ZCCHC7: variants seen among roughly 807,000 people sequenced by gnomAD.
The protein encoded by ZCCHC7 is zinc finger CCHC-type containing 7.
In ZCCHC7, 35 loss-of-function variants were observed where a neutral mutation model predicts 52.0. The observed-to-expected ratio is 0.67, with a 90% CI of 0.51 to 0.89. The LOEUF (loss-of-function observed/expected upper bound fraction) is 0.89. Among genes scored for constraint, ZCCHC7 ranks in the 40% least tolerant of loss-of-function variants. The pLI, the probability that ZCCHC7 is intolerant of heterozygous loss-of-function variation, is 0.00. For synonymous variants in ZCCHC7, 217 were observed against 221.5 expected, an observed-to-expected ratio of 0.98 and a Z score of 0.18; for missense variants, 574 against 649.1, an observed-to-expected ratio of 0.88 and a Z score of 1.26.
At chr9:37,222,335 GTGTGT>G (rs1824865044) in intron 2 of ZCCHC7, among the ~76,000 whole-genome samples, 2 of 74,572 alleles carry the variant, frequency 2.7e-5, no homozygotes, top group Non-Finnish European at 6.3e-5. Context: ...CAGAGTGTGT[GTGTGT>G]GTGTGTGTGT....
intron 7 of ZCCHC7, among the ~76,000 whole-genome samples, chr9:37,350,022 A>T (rs1821270039): frequency 6.6e-6 from 1 of 151,790 alleles, no homozygotes; most frequent in African/African-American, 2.4e-5. Context: ...TCCTGACCTC[A>T]GGTGATCCAC....
At chr9:37,270,438 C>A (rs1396364373) in intron 2 of ZCCHC7, among the ~76,000 whole-genome samples, 3 of 152,062 alleles carry the variant, frequency 2.0e-5, no homozygotes, top group Non-Finnish European at 2.9e-5. Context: ...TGCCTGTAAT[C>A]ACAGCACTTT....
At chr9:37,191,079 T>G (rs1054777379) in intron 2 of ZCCHC7, among the ~76,000 whole-genome samples, 1 of 152,162 alleles carries the variant, frequency 6.6e-6, no homozygotes, top group Non-Finnish European at 1.5e-5. Flanking sequence ...CTGTCCCGTT[T>G]CAGGGTACAC....
chr9:37,345,467 C>A lies in ZCCHC7; in HGVS notation c.988-3890C>A, dbSNP rs138804707. On this transcript the variant is annotated intron_variant, in intron 6 of 8. Transcript: ENST00000336755. ...TTTAGGCTGGGTGTGGTGGCTCATGCCTGTAATCCCAGCATTTGGGGAGGC... is the reference window on the plus strand; with the variant it reads ...TTTAGGCTGGGTGTGGTGGCTCATGACTGTAATCCCAGCATTTGGGGAGGC... Among the ~76,000 whole-genome samples the A allele has an allele frequency of 6.3e-3, 956 of 152,316 alleles. 4 individuals carry two copies. Among genetic ancestry groups the A allele is most frequent in the African/African-American group, 0.022 (896 of 41,566 alleles).
intron 2 of ZCCHC7, among the ~76,000 whole-genome samples, chr9:37,241,104 A>C (rs191584751): frequency 1.4e-4 from 21 of 151,908 alleles, no homozygotes; most frequent in Admixed American, 9.8e-4. Flanking sequence ...TGCACATTAC[A>C]ATAAGGTATC....
At chr9:37,222,039 G>A (rs2078111806) in intron 2 of ZCCHC7, among the ~76,000 whole-genome samples, 1 of 152,048 alleles carries the variant, frequency 6.6e-6, no homozygotes. Context: ...TGAACAGAGG[G>A]ATAGTAAGGG....
rs1413291229 is a variant in ZCCHC7 at position 37,246,228 on chromosome 9, CATTTG to C, written c.611-55953_611-55949del. Among the ~76,000 whole-genome samples, 14 of 152,152 alleles carry C rather than the reference CATTTG, an allele frequency of 9.2e-5. No homozygotes were observed. In the East Asian group the frequency reaches 2.1e-3, roughly 23 times the overall value. On this transcript the variant is annotated intron_variant, in intron 2 of 8. Transcript: ENST00000336755. ...TGGACAAATAATAGTTTGTTTTTAA[CATTTG>C]ATTTGAGGTGCTTGTGGATGATCTA...
At chr9:37,305,472 T>C in intron 4 of ZCCHC7, 72 bp from the exon 5 acceptor site, 3 of 1,558,308 alleles carry the variant, frequency 1.9e-6, no homozygotes, top group Non-Finnish European at 2.6e-6. Context: ...TTTATGGGAT[T>C]ATATTGAAAA....
chr9:37,333,541 G>A (rs1830530423), intron 6 of ZCCHC7, among the ~76,000 whole-genome samples: 1 of 151,672 alleles, frequency 6.6e-6, no homozygotes, highest in Non-Finnish European at 1.5e-5. Context: ...ATGGAAAGAA[G>A]TACTTGTTGT....
intron 2 of ZCCHC7, among the ~76,000 whole-genome samples, chr9:37,292,143 C>T (rs181522827): frequency 7.0e-4 from 107 of 152,184 alleles, no homozygotes; most frequent in African/African-American, 2.2e-3. Context: ...GAATAATATG[C>T]GTTTGCTGTC....
chr9:37,197,775 A>T (rs1823366883), intron 2 of ZCCHC7, among the ~76,000 whole-genome samples: 1 of 152,200 alleles, frequency 6.6e-6, no homozygotes, highest in African/African-American at 2.4e-5. Context: ...AGTTTCCGAA[A>T]TCTGATCTGT....
intron 2 of ZCCHC7, among the ~76,000 whole-genome samples, chr9:37,264,315 A>G (rs1021014776): frequency 1.3e-5 from 2 of 152,182 alleles, no homozygotes; most frequent in Non-Finnish European, 2.9e-5. Flanking sequence ...AATTTTTTAA[A>G]AATATATGAC....
intron 2 of ZCCHC7, among the ~76,000 whole-genome samples, chr9:37,251,483 T>C (rs1394438224): frequency 6.6e-6 from 1 of 152,204 alleles, no homozygotes; most frequent in Non-Finnish European, 1.5e-5. Flanking sequence ...AACTTGCTTT[T>C]GTTATGTATT....
chr9:37,347,020 G>A (rs1821023373), intron 6 of ZCCHC7, among the ~76,000 whole-genome samples: 1 of 152,116 alleles, frequency 6.6e-6, no homozygotes, highest in Non-Finnish European at 1.5e-5. Context: ...TGGCAGACTA[G>A]CACTGTTTGT....
intron 2 of ZCCHC7, among the ~76,000 whole-genome samples, chr9:37,281,470 C>A (rs1827956253): frequency 6.6e-6 from 1 of 152,194 alleles, no homozygotes; most frequent in South Asian, 2.1e-4. Context: ...TGTGCAACTT[C>A]TTTAAATATA....
rs1267742703 is a variant in ZCCHC7, at chr9:37,186,670, C to G, written c.610+59728C>G. The G allele has an allele frequency of 6.9e-6, 4 of 580,638 alleles. No individual in the cohort carries two copies. The African/African-American group carries it at 7.6e-5, about 11-fold the overall frequency. 36.0% of individuals were successfully genotyped at this position (580,638 alleles called of 1,614,324 possible). On this transcript the variant is annotated intron_variant, in intron 2 of 8. Coordinates refer to ENST00000336755, the MANE Select transcript of ZCCHC7 (RefSeq NM_032226.3). ...TCCTAAAAATAAAGAAAATTATACT[C>G]TTAGAATATTTACAGATTCAAATAT...
chr9:37,335,155 G>T (rs1332747901), intron 6 of ZCCHC7, among the ~76,000 whole-genome samples: 1 of 152,036 alleles, frequency 6.6e-6, no homozygotes, highest in African/African-American at 2.4e-5. Context: ...CTAAGTTTTG[G>T]GTTGTGTCTT....
intron 5 of ZCCHC7, among the ~76,000 whole-genome samples, chr9:37,315,570 T>A (rs1027378231): frequency 2.0e-5 from 3 of 151,928 alleles, no homozygotes; most frequent in Non-Finnish European, 4.4e-5. Flanking sequence ...TCATGGATAT[T>A]ACCAGAAAAA....
intron 6 of ZCCHC7, among the ~76,000 whole-genome samples, chr9:37,328,375 A>G (rs1284648144): frequency 5.9e-5 from 9 of 152,134 alleles, no homozygotes; most frequent in African/African-American, 4.8e-5. Flanking sequence ...TTCAATTCCT[A>G]GTTTCCTTTT....
Sources: gnomAD v4.1 joint callset for allele counts (sites outside exome capture counted in the v4.1 genomes callset) on GRCh38, gnomAD v4.1.1 for gene constraint, MANE v1.5 for transcripts, NCBI Gene and HGNC (gene_info 2026-07-23, HGNC 2026-07-21) for gene names.